DDX60: variants seen among roughly 807,000 people sequenced by gnomAD.
DDX60 encodes the protein DExD/H-box helicase 60.
A neutral mutation model predicts 212.8 loss-of-function variants in DDX60; 165 were observed. The ratio of observed to expected loss-of-function variants is 0.78; its 90% CI spans 0.68 to 0.88. The LOEUF (loss-of-function observed/expected upper bound fraction) is 0.88. Among genes scored for constraint, DDX60 ranks in the 40% least tolerant of loss-of-function variants. DDX60 has a pLI of 0.00. For missense variants in DDX60, 1,905 were observed against 2,003.9 expected, an observed-to-expected ratio of 0.95 and a Z score of 0.94; for synonymous variants, 703 against 685.3, an observed-to-expected ratio of 1.03 and a Z score of -0.40.
chr4:168,323,693 T>C (rs1737647828), upstream of DDX60, among the ~76,000 whole-genome samples: 1 of 152,210 alleles, frequency 6.6e-6, no homozygotes, highest in African/African-American at 2.4e-5. Flanking sequence ...CCTTAATTTA[T>C]ATTTTGGGTA....
chr4:168,305,602 A>C (rs1736840729), intron 5 of DDX60, among the ~76,000 whole-genome samples: 1 of 148,930 alleles, frequency 6.7e-6, no homozygotes, highest in East Asian at 1.9e-4. Context: ...TTATTATGTA[A>C]ATAAATTTAT....
intron 33 of DDX60, among the ~76,000 whole-genome samples, chr4:168,227,797 A>C (rs73862963): frequency 0.027 from 4,136 of 151,912 alleles, 193 homozygotes; most frequent in African/African-American, 0.094. Flanking sequence ...TTAAATGTCC[A>C]TTTTATGTCT....
At chr4:168,228,218 G>C (rs1198470733) in intron 33 of DDX60, among the ~76,000 whole-genome samples, 1 of 151,962 alleles carries the variant, frequency 6.6e-6, no homozygotes, top group African/African-American at 2.4e-5. Flanking sequence ...TGAAGGAAAG[G>C]TACAGTAAAA....
chr4:168,283,481 T>C lies in DDX60; in HGVS notation c.1687A>G (p.Lys563Glu), dbSNP rs138221736. ...IIVTQTIKSKKDFSGPKSKKA... is the reference protein window; with the variant it reads ...IIVTQTIKSKEDFSGPKSKKA... ...TTGCTCTTGGGCCCACTAAAATCCT[T>C]CTTTGACTTAATAGTTTGAGTCACG... The change falls in exon 13 of 38, where the codon AAG becomes GAG. Residue 563 changes from lysine to glutamate, a missense_variant. Lys to Glu is a moderately conservative substitution (Grantham distance 56). Transcript: ENST00000393743. 2.5e-6 allele frequency: 4 copies of C among 1,613,534 alleles called. No homozygotes were observed. Among genetic ancestry groups the C allele is most frequent in the Admixed American group, 1.7e-5 (1 of 59,984 alleles).
intron 4 of DDX60, 69 bp from the exon 5 acceptor site, chr4:168,306,789 T>A: frequency 2.5e-6 from 3 of 1,180,040 alleles, no homozygotes; most frequent in Non-Finnish European, 2.4e-6. Flanking sequence ...GGCTAACACA[T>A]CATTAAAGGC....
At chr4:168,272,201 C>T in intron 18 of DDX60, 63 bp from the exon 19 acceptor site, 2 of 1,293,566 alleles carry the variant, frequency 1.5e-6, no homozygotes, top group Non-Finnish European at 2.2e-6. Flanking sequence ...GACATATTTA[C>T]AGGAATATGT....
At chr4:168,250,870 G>A (rs1734196477) in intron 28 of DDX60, 84 bp downstream of exon 28, 2 of 1,187,934 alleles carry the variant, frequency 1.7e-6, no homozygotes, top group South Asian at 1.5e-5. Flanking sequence ...AAAGAAAAAT[G>A]GTGGTTGTAT....
chr4:168,226,310 T>G (rs146415390), intron 33 of DDX60, among the ~76,000 whole-genome samples: 1 of 152,172 alleles, frequency 6.6e-6, no homozygotes, highest in African/African-American at 2.4e-5. Context: ...ATATGAACAC[T>G]TAATGTGATG....
intron 12 of DDX60, among the ~76,000 whole-genome samples, chr4:168,283,956 T>C (rs932098834): frequency 6.6e-6 from 1 of 152,144 alleles, no homozygotes; most frequent in African/African-American, 2.4e-5. Context: ...TCTGACTTCT[T>C]GTATCACTGG....
chr4:168,323,815 CA>C (rs762819452), upstream of DDX60, among the ~76,000 whole-genome samples: 14 of 152,162 alleles, frequency 9.2e-5, no homozygotes, highest in Non-Finnish European at 1.9e-4. Context: ...GACCAGTTCT[CA>C]ATGAGGGCAT....
chr4:168,246,923 C>T (rs1197374213), intron 29 of DDX60, among the ~76,000 whole-genome samples: 5 of 152,186 alleles, frequency 3.3e-5, no homozygotes, highest in Non-Finnish European at 7.3e-5. Flanking sequence ...ACTGGCAAAG[C>T]AGTGATGTCA....
chr4:168,247,624 T>C (rs537474371), intron 29 of DDX60, among the ~76,000 whole-genome samples: 1 of 152,242 alleles, frequency 6.6e-6, no homozygotes, highest in South Asian at 2.1e-4. Flanking sequence ...CGTGGTAGAA[T>C]AAGGAGAATG....
At chr4:168,266,153 T>C (rs936984214) in intron 22 of DDX60, among the ~76,000 whole-genome samples, 2 of 152,212 alleles carry the variant, frequency 1.3e-5, no homozygotes, top group Non-Finnish European at 2.9e-5. Context: ...TACTTAATGA[T>C]GCAACACTGA....
intron 22 of DDX60, among the ~76,000 whole-genome samples, chr4:168,264,593 G>T (rs948606337): frequency 6.6e-6 from 1 of 152,094 alleles, no homozygotes; most frequent in African/African-American, 2.4e-5. Context: ...CTTTTAGAGA[G>T]GTCTGAGCTT....
chr4:168,317,173 T>C lies in DDX60; in HGVS notation c.-107+1449A>G, dbSNP rs1282267032. The stretch of plus-strand genomic sequence containing the variant: ...TTAGAGGCCAGCAAAATATGTTAAA[T>C]GACACCACAGGGATTAGGACACATA... On this transcript the variant is annotated intron_variant, in intron 1 of 37. Coordinates refer to ENST00000393743, the MANE Select transcript of DDX60 (RefSeq NM_017631.6). 2.0e-5 allele frequency among the ~76,000 whole-genome samples: 3 copies of C among 151,068 alleles called. No individual in the cohort carries two copies. The East Asian group carries it at 5.8e-4, about 29-fold the overall frequency.
intron 26 of DDX60, among the ~76,000 whole-genome samples, chr4:168,255,196 AT>A (rs1406554372): frequency 1.3e-5 from 2 of 152,178 alleles, no homozygotes; most frequent in Admixed American, 1.3e-4. Flanking sequence ...AGTTGACAGA[AT>A]TAGACATTGA....
chr4:168,291,603 G>A lies in DDX60; in HGVS notation c.1041+145C>T, dbSNP rs560843428. 10 of 526,382 alleles carry A rather than the reference G, an allele frequency of 1.9e-5. No individual in the cohort carries two copies. The South Asian group carries it at 5.2e-4, about 27-fold the overall frequency. 32.6% of individuals were successfully genotyped at this position (526,382 alleles called of 1,614,324 possible). A position where few individuals can be genotyped will look rare whatever the true frequency, so the allele number is the denominator to read the frequency against. On this transcript the variant is annotated intron_variant, in intron 8 of 37. Coordinates refer to ENST00000393743, the MANE Select transcript of DDX60 (RefSeq NM_017631.6). ...TCTCCTAAACATAGATGCTGAAATT[G>A]GAAAGTGACTGATGTAGCCCATTAA...
chr4:168,223,464 T>G (rs547630492), intron 35 of DDX60, among the ~76,000 whole-genome samples: 2 of 151,976 alleles, frequency 1.3e-5, no homozygotes, highest in Non-Finnish European at 2.9e-5. Flanking sequence ...TAAATCCTTA[T>G]AAAAAGTTTT....
Position 168,217,030 on chromosome 4 carries a change from A to G in DDX60, c.5042T>C (p.Val1681Ala). Residue 1681 changes from valine (V) to alanine (A), a missense_variant and splice_region_variant, in exon 38 of 38, where the codon GTT becomes GCT. Transcript: ENST00000393743. ...DFALTIKSISVSLRELCENED... is the reference protein window; with the variant it reads ...DFALTIKSISASLRELCENED... The stretch of plus-strand genomic sequence containing the variant: ...ATTTTCACATAGCTCACGCAAGGAA[A>G]CACTGGAAATGGGGAAAAAAATATA... 3 of 1,602,056 alleles carry G rather than the reference A, an allele frequency of 1.9e-6. No homozygotes were observed. Among genetic ancestry groups the G allele is most frequent in the Non-Finnish European group, 2.6e-6 (3 of 1,175,396 alleles).
Sources: gnomAD v4.1 joint callset for allele counts (sites outside exome capture counted in the v4.1 genomes callset) on GRCh38, gnomAD v4.1.1 for gene constraint, MANE v1.5 for transcripts, NCBI Gene and HGNC (gene_info 2026-07-23, HGNC 2026-07-21) for gene names.